Variants in LHFPL2 observed in about 807,000 individuals in gnomAD.
LHFPL2 encodes the protein LHFPL tetraspan subfamily member 2 protein.
A neutral mutation model predicts 17.5 loss-of-function variants in LHFPL2; 7 were observed. The ratio of observed to expected loss-of-function variants is 0.40; its 90% confidence interval spans 0.23 to 0.75. The LOEUF (loss-of-function observed/expected upper bound fraction) is 0.75, where lower values mean the gene tolerates loss of function less well. Among genes scored for constraint, LHFPL2 ranks in the 30% least tolerant of loss-of-function variants. LHFPL2 has a pLI of 0.37. For synonymous variants in LHFPL2, 134 were observed against 116.2 expected (o/e 1.15, Z -0.99); for missense variants, 241 against 294.8 (o/e 0.82, Z 1.34).
At chr5:78,620,767 C>T (rs984271688) in intron 2 of LHFPL2, among the ~76,000 whole-genome samples, 2 of 152,190 alleles carry the variant, frequency 1.3e-5, no homozygotes, top group African/African-American at 4.8e-5. Context: ...GGCTGAGAAA[C>T]CCTGTGCTGG....
At chr5:78,613,215 G>GT (rs1744476621) in intron 2 of LHFPL2, among the ~76,000 whole-genome samples, 2 of 152,156 alleles carry the variant, frequency 1.3e-5, no homozygotes, top group Non-Finnish European at 2.9e-5. Flanking sequence ...CAAGACATAG[G>GT]TAAGTTTCTT....
At chr5:78,598,432 C>T (rs555192716) in intron 2 of LHFPL2, among the ~76,000 whole-genome samples, 59 of 152,266 alleles carry the variant, frequency 3.9e-4, no homozygotes, top group African/African-American at 1.4e-3. Flanking sequence ...GGTGGTTATT[C>T]AAGAACAAAG....
intron 4 of LHFPL2, among the ~76,000 whole-genome samples, chr5:78,504,326 G>T (rs1046581041): frequency 6.6e-6 from 1 of 152,164 alleles, no homozygotes; most frequent in Non-Finnish European, 1.5e-5. Flanking sequence ...TTTTTCAGGA[G>T]AAAAATTCTG....
At chr5:78,550,562 A>AC (rs1561334796) in intron 3 of LHFPL2, among the ~76,000 whole-genome samples, 1 of 126,336 alleles carries the variant, frequency 7.9e-6, no homozygotes, top group Non-Finnish European at 1.9e-5. Context: ...TGTTTTATTT[A>AC]TTTTTATTTA....
At chr5:78,522,524 A>G (rs2112344202) in intron 3 of LHFPL2, among the ~76,000 whole-genome samples, 1 of 152,324 alleles carries the variant, frequency 6.6e-6, no homozygotes, top group African/African-American at 2.4e-5. Flanking sequence ...GTTTGCTGAC[A>G]CTTGTTTATC....
At chr5:78,646,560 C>A (rs981835934) in intron 1 of LHFPL2, among the ~76,000 whole-genome samples, 27 of 152,112 alleles carry the variant, frequency 1.8e-4, no homozygotes, top group African/African-American at 6.0e-4. Context: ...ATCTGGGAGC[C>A]CAATAGCCCA....
chr5:78,532,862 G>C (rs1755826384), intron 3 of LHFPL2, among the ~76,000 whole-genome samples: 1 of 152,146 alleles, frequency 6.6e-6, no homozygotes. Flanking sequence ...AATCAGGGAG[G>C]GGCAGGGATT....
intron 2 of LHFPL2, chr5:78,625,848 TG>T (rs1745015128): frequency 6.6e-6 from 1 of 152,232 alleles, no homozygotes; most frequent in South Asian, 2.1e-4. Flanking sequence ...TGTCCTAAAC[TG>T]AAATTAAGGG....
rs138645966 is a variant in LHFPL2 at position 78,611,055 on chromosome 5, G to T, written c.-245+21209C>A. Among the ~76,000 whole-genome samples the T allele has an allele frequency of 2.6e-4, 39 of 152,316 alleles. 3 individuals carry two copies. Among genetic ancestry groups the T allele is most frequent in the African/African-American group, 8.7e-4 (36 of 41,576 alleles). ...AAGGGAAAAAAAAAGTTCATTAACTGCTATAAGCAGACAGACAAAGGAGGT... is the reference window on the plus strand; with the variant it reads ...AAGGGAAAAAAAAAGTTCATTAACTTCTATAAGCAGACAGACAAAGGAGGT... On this transcript the variant is annotated intron_variant, in intron 2 of 4. Coordinates refer to ENST00000380345, the MANE Select transcript of LHFPL2 (RefSeq NM_005779.3).
At chr5:78,563,098 G>A (rs569429487) in intron 3 of LHFPL2, among the ~76,000 whole-genome samples, 11 of 152,268 alleles carry the variant, frequency 7.2e-5, no homozygotes, top group East Asian at 1.9e-4. Context: ...GCCCCTCCCC[G>A]GCACAGGCCT....
chr5:78,602,799 T>A (rs1744065055), intron 2 of LHFPL2, among the ~76,000 whole-genome samples: 1 of 152,242 alleles, frequency 6.6e-6, no homozygotes, highest in African/African-American at 2.4e-5. Flanking sequence ...TTGAGCCTTA[T>A]GAGCCGGGCC....
intron 2 of LHFPL2, among the ~76,000 whole-genome samples, chr5:78,609,702 G>A (rs2112484258): frequency 6.6e-6 from 1 of 151,852 alleles, no homozygotes; most frequent in Non-Finnish European, 1.5e-5. Context: ...CTAGAAAATG[G>A]GTATTTGACA....
At chr5:78,525,748 G>A (rs1428789387) in intron 3 of LHFPL2, among the ~76,000 whole-genome samples, 3 of 152,340 alleles carry the variant, frequency 2.0e-5, no homozygotes, top group African/African-American at 7.2e-5. Context: ...AAAACTGCTT[G>A]AAGACACAAG....
chr5:78,598,530 C>CA (rs984464908), intron 2 of LHFPL2, among the ~76,000 whole-genome samples: 1 of 152,150 alleles, frequency 6.6e-6, no homozygotes, highest in African/African-American at 2.4e-5. Flanking sequence ...GTTGTTAGAA[C>CA]AGAAGTACCT....
intron 3 of LHFPL2, among the ~76,000 whole-genome samples, chr5:78,518,589 T>G (rs1755356245): frequency 2.0e-5 from 3 of 152,206 alleles, no homozygotes; most frequent in Admixed American, 6.5e-5. Context: ...TAGGTACTTT[T>G]GAATACAGAA....
intron 1 of LHFPL2, among the ~76,000 whole-genome samples, chr5:78,645,945 T>G (rs190385224): frequency 6.6e-6 from 1 of 152,368 alleles, no homozygotes; most frequent in East Asian, 1.9e-4. Context: ...GCTTCTTGTT[T>G]GTATCTAAGA....
Position 78,488,883 on chromosome 5 carries a change from T to C in LHFPL2, c.*14A>G, listed in dbSNP as rs771966509. On this transcript the variant is annotated 3_prime_UTR_variant, in exon 5 of 5. Coordinates refer to ENST00000380345, the MANE Select transcript of LHFPL2 (RefSeq NM_005779.3). Reference sequence around the variant, plus strand: ...AGATTACTCAAGGGAGAAAATGGCATTGTCTCTTCCAAACTAAAGGAGGCA... The same window carrying C: ...AGATTACTCAAGGGAGAAAATGGCACTGTCTCTTCCAAACTAAAGGAGGCA... The C allele has an allele frequency of 8.2e-5, 132 of 1,612,580 alleles. No individual in the cohort carries two copies. The highest frequency in any genetic ancestry group is 1.1e-4 in the Non-Finnish European group (129 of 1,179,236).
intron 3 of LHFPL2, among the ~76,000 whole-genome samples, chr5:78,520,633 C>T (rs1015381809): frequency 6.6e-6 from 1 of 151,568 alleles, no homozygotes; most frequent in African/African-American, 2.4e-5. Context: ...GAGAGCTGAG[C>T]AGCCATGGCC....
chr5:78,488,745 G>A lies in LHFPL2; in HGVS notation c.*152C>T. On this transcript the variant is annotated 3_prime_UTR_variant, in exon 5 of 5. Coordinates refer to ENST00000380345, the MANE Select transcript of LHFPL2 (RefSeq NM_005779.3). ...GCATGTCCAGTAACTTTGCGTAGCTGGATGTGGCCTCTCATTGGTCCTGTT... is the reference window on the plus strand; with the variant it reads ...GCATGTCCAGTAACTTTGCGTAGCTAGATGTGGCCTCTCATTGGTCCTGTT... 3 of 763,358 alleles carry A rather than the reference G, an allele frequency of 3.9e-6. No homozygotes were observed. The highest frequency in any genetic ancestry group is 6.5e-6 in the Non-Finnish European group (3 of 461,500). The allele number at this position is 763,358 out of a possible 1,614,324, so 47.3% of individuals were successfully genotyped here.
Sources: gnomAD v4.1 joint callset for allele counts (sites outside exome capture counted in the v4.1 genomes callset) on GRCh38, gnomAD v4.1.1 for gene constraint, MANE v1.5 for transcripts, NCBI Gene and HGNC (gene_info 2026-07-23, HGNC 2026-07-21) for gene names.